Variants in UBE2K observed in about 807,000 individuals in gnomAD.
UBE2K encodes the protein ubiquitin-conjugating enzyme E2 K.
Under a neutral mutation model 30.0 loss-of-function variants are expected in UBE2K, and 6 were observed. The ratio of observed to expected loss-of-function variants is 0.20; its 90% CI spans 0.11 to 0.39. The LOEUF (loss-of-function observed/expected upper bound fraction) is 0.39, where lower values mean the gene tolerates loss of function less well. Among genes scored for constraint, UBE2K ranks in the 10% least tolerant of loss-of-function variants. UBE2K has a pLI of 1.00. For missense variants in UBE2K, 61 were observed against 241.6 expected (o/e 0.25, Z 4.96); for synonymous variants, 86 against 83.7 (o/e 1.03, Z -0.15).
intron 1 of UBE2K, among the ~76,000 whole-genome samples, chr4:39,713,159 C>A (rs922985713): frequency 5.3e-5 from 8 of 152,150 alleles, no homozygotes; most frequent in Non-Finnish European, 1.2e-4. Context: ...CCACCATGCC[C>A]GGCCATGTTT....
chr4:39,732,672 C>CTTTTTTTTTTTTT lies in UBE2K; in HGVS notation c.64-4740_64-4728dup, dbSNP rs10650873. Among the ~76,000 whole-genome samples, 4 of 115,102 alleles carry CTTTTTTTTTTTTT rather than the reference C, an allele frequency of 3.5e-5. 1 individual carries two copies. The highest frequency in any genetic ancestry group is 7.0e-5 in the African/African-American group (2 of 28,428). The allele number at this position is 115,102 out of a possible 152,430, so 75.5% of individuals were successfully genotyped here. The stretch of plus-strand genomic sequence containing the variant: ...TGCTAACTTCTATAGCTTCTTCCCT[C>CTTTTTTTTTTTTT]TTTTTTTTTTTTTTTTTTTTGGTGA... On this transcript the variant is annotated intron_variant, in intron 1 of 6. Transcript: ENST00000261427.
chr4:39,702,189 A>G (rs905317175), intron 1 of UBE2K, among the ~76,000 whole-genome samples: 7 of 147,840 alleles, frequency 4.7e-5, no homozygotes, highest in African/African-American at 1.7e-4. Context: ...TTCATGTTGT[A>G]ATTGCACTTT....
At chr4:39,754,078 T>A (rs1721408446) in intron 3 of UBE2K, among the ~76,000 whole-genome samples, 1 of 152,156 alleles carries the variant, frequency 6.6e-6, no homozygotes, top group Non-Finnish European at 1.5e-5. Context: ...TGAGAGGTCA[T>A]TAATGGTCCT....
chr4:39,758,214 C>G (rs1578485644), intron 4 of UBE2K, among the ~76,000 whole-genome samples: 1 of 152,202 alleles, frequency 6.6e-6, no homozygotes, highest in East Asian at 1.9e-4. Flanking sequence ...GTACCCCATG[C>G]CCTGTCTGCA....
chr4:39,704,655 C>A (rs1391298063), intron 1 of UBE2K, among the ~76,000 whole-genome samples: 2 of 151,980 alleles, frequency 1.3e-5, no homozygotes, highest in African/African-American at 2.4e-5. Context: ...ATCCTCCTAC[C>A]TCAGCCTTCC....
chr4:39,727,791 CA>C (rs1719837046), intron 1 of UBE2K, among the ~76,000 whole-genome samples: 1 of 152,050 alleles, frequency 6.6e-6, no homozygotes, highest in South Asian at 2.1e-4. Flanking sequence ...GTGTAAATGG[CA>C]GTGTTTTTTT....
intron 3 of UBE2K, 33 bp downstream of exon 3, chr4:39,745,843 C>CAAAATAT: frequency 6.7e-7 from 1 of 1,487,052 alleles, no homozygotes; most frequent in Non-Finnish European, 9.2e-7. Flanking sequence ...CATGAAGTTA[C>CAAAATAT]AAAATATTTT....
At chr4:39,704,018 A>T (rs1718188777) in intron 1 of UBE2K, among the ~76,000 whole-genome samples, 1 of 151,982 alleles carries the variant, frequency 6.6e-6, no homozygotes, top group South Asian at 2.1e-4. Context: ...TTTTTCTTTT[A>T]AAATTTCTCG....
chr4:39,763,595 A>G (rs1712116965), intron 4 of UBE2K, among the ~76,000 whole-genome samples: 1 of 152,052 alleles, frequency 6.6e-6, no homozygotes, highest in African/African-American at 2.4e-5. Flanking sequence ...AGTCATCACC[A>G]ATGGGGTGGC....
In UBE2K at chr4:39,735,945, T is replaced by C. The variant is rs530338175; in HGVS notation, c.64-1475T>C. ...TTTGAAAAATATGGGTTTTAAGTCA[T>C]GTATTGTTTATGAACTAAACGTTCT... On this transcript the variant is annotated intron_variant, in intron 1 of 6. Coordinates refer to ENST00000261427, the MANE Select transcript of UBE2K (RefSeq NM_005339.5). 3.9e-5 allele frequency among the ~76,000 whole-genome samples: 6 copies of C among 152,258 alleles called. No individual in the cohort carries two copies. The East Asian group carries it at 9.6e-4, about 24-fold the overall frequency.
intron 4 of UBE2K, among the ~76,000 whole-genome samples, chr4:39,760,188 A>AAAT (rs1315935427): frequency 2.8e-5 from 2 of 70,900 alleles, no homozygotes; most frequent in East Asian, 1.3e-3. Flanking sequence ...AAAAAAAAAA[A>AAAT]AAAACAGAAA....
chr4:39,773,264 T>C lies in UBE2K; in HGVS notation c.300-1570T>C, dbSNP rs1578509973. Among the ~76,000 whole-genome samples, 4 of 150,324 alleles carry C rather than the reference T, an allele frequency of 2.7e-5. No homozygotes were observed. The South Asian group carries it at 8.4e-4, about 32-fold the overall frequency. On this transcript the variant is annotated intron_variant, in intron 4 of 6. Transcript: ENST00000261427. ...GCGGGCGGATCACAAGGTCAGGAGA[T>C]CAAGACCATCCTGTGTCTCACGGTG... is the stretch of plus-strand genomic sequence containing the variant.
At chr4:39,738,733 G>A (rs1215571542) in intron 2 of UBE2K, among the ~76,000 whole-genome samples, 12 of 151,138 alleles carry the variant, frequency 7.9e-5, no homozygotes, top group East Asian at 2.0e-4. Context: ...CCTGGAGTGC[G>A]GTGGTGAAAT....
chr4:39,778,941 G>C lies in UBE2K; in HGVS notation c.*507G>C, dbSNP rs183773736. 387 of 152,812 alleles carry C rather than the reference G, an allele frequency of 2.5e-3. 1 individual carries two copies. Among genetic ancestry groups the C allele is most frequent in the Non-Finnish European group, 4.6e-3 (313 of 68,486 alleles). The allele number at this position is 152,812 out of a possible 1,614,324, so 9.5% of individuals were successfully genotyped here. A position where few individuals can be genotyped will look rare whatever the true frequency, so the allele number is the denominator to read the frequency against. The stretch of plus-strand genomic sequence containing the variant: ...AAAGACCACCATTTTAAGCATTTGA[G>C]AATTCTTAAATATGAAATTTATTCA... On this transcript the variant is annotated 3_prime_UTR_variant, in exon 7 of 7. Transcript: ENST00000261427.
chr4:39,719,120 C>T (rs1000203339), intron 1 of UBE2K, among the ~76,000 whole-genome samples: 2 of 152,242 alleles, frequency 1.3e-5, no homozygotes, highest in African/African-American at 4.8e-5. Flanking sequence ...TACACACTTG[C>T]ATTCCTACAC....
intron 1 of UBE2K, among the ~76,000 whole-genome samples, chr4:39,704,663 T>C (rs1206641419): frequency 6.6e-6 from 1 of 151,908 alleles, no homozygotes; most frequent in Non-Finnish European, 1.5e-5. Flanking sequence ...ACCTCAGCCT[T>C]CCAAGTAGCA....
At chr4:39,724,979 TTAAA>T (rs1719658423) in intron 1 of UBE2K, among the ~76,000 whole-genome samples, 1 of 152,238 alleles carries the variant, frequency 6.6e-6, no homozygotes. Context: ...TAGAGACTTC[TTAAA>T]TAAGATCTGA....
chr4:39,726,789 G>T (rs1719777226), intron 1 of UBE2K, among the ~76,000 whole-genome samples: 1 of 151,984 alleles, frequency 6.6e-6, no homozygotes, highest in South Asian at 2.1e-4. Flanking sequence ...TAGAGACAGG[G>T]TTTCACCATG....
At chr4:39,722,151 C>G (rs1022388183) in intron 1 of UBE2K, among the ~76,000 whole-genome samples, 1 of 152,138 alleles carries the variant, frequency 6.6e-6, no homozygotes. Context: ...ATCTACGTAA[C>G]GTTCACAGAT....
Sources: gnomAD v4.1 joint callset for allele counts (sites outside exome capture counted in the v4.1 genomes callset) on GRCh38, gnomAD v4.1.1 for gene constraint, MANE v1.5 for transcripts, NCBI Gene and HGNC (gene_info 2026-07-23, HGNC 2026-07-21) for gene names.